ABCA12: variants seen among roughly 807,000 people sequenced by gnomAD.
ABCA12 encodes ATP binding cassette subfamily A member 12.
ABCA12 carries 156 observed loss-of-function variants against 293.5 expected under a neutral mutation model. That is an observed-to-expected ratio of 0.53 (90% CI 0.47 to 0.61). ABCA12 has a LOEUF of 0.61. ABCA12 is among the 20% of genes least tolerant of loss of function. The probability of loss-of-function intolerance (pLI) is 0.00; values close to 1 mark genes in which losing one functional copy is unlikely to be tolerated. For missense variants in ABCA12, 2,797 were observed against 3,090.2 expected (o/e 0.91, Z 2.25); for synonymous variants, 1,063 against 1,108.0 (o/e 0.96, Z 0.81).
At chr2:215,129,655 AAAT>A (rs1348698021) in intron 1 of ABCA12, among the ~76,000 whole-genome samples, 4 of 152,166 alleles carry the variant, frequency 2.6e-5, no homozygotes, top group Non-Finnish European at 5.9e-5. Flanking sequence ...CATAATTGGT[AAAT>A]AATTTCTCCC....
intron 2 of ABCA12, among the ~76,000 whole-genome samples, chr2:215,064,763 A>G (rs1441480657): frequency 2.6e-5 from 4 of 151,552 alleles, no homozygotes; most frequent in East Asian, 3.9e-4. Flanking sequence ...AAAAGATTGT[A>G]TCACCAAAAT....
intron 11 of ABCA12, 68 bp downstream of exon 11, chr2:215,025,605 T>TC (rs1413762258): frequency 1.1e-5 from 12 of 1,092,848 alleles, no homozygotes; most frequent in Non-Finnish European, 1.5e-5. Context: ...TTAAGGTTTT[T>TC]TTTTTGTTTG....
chr2:215,137,658 CT>C, intron 1 of ABCA12, among the ~76,000 whole-genome samples: 1 of 152,290 alleles, frequency 6.6e-6, no homozygotes, highest in East Asian at 1.9e-4. Flanking sequence ...TTCTCAGTAG[CT>C]TTTCTATACT....
At chr2:215,054,115 G>A (rs564079144) in intron 4 of ABCA12, among the ~76,000 whole-genome samples, 51 of 152,156 alleles carry the variant, frequency 3.4e-4, no homozygotes, top group African/African-American at 1.2e-3. Flanking sequence ...GTACTGGCCT[G>A]GAAGTCCTTC....
Position 214,990,970 on chromosome 2 carries a change from A to G in ABCA12, c.3356T>C (p.Val1119Ala). ...SHFFAWLIES[V>A]GFLLVTIVIL... Reference sequence around the variant, plus strand: ...CACGATGGTAACCAGTAAAAATCCAACACTCTCTATAAGCCAGGCAAAGAA... The same window carrying G: ...CACGATGGTAACCAGTAAAAATCCAGCACTCTCTATAAGCCAGGCAAAGAA... Residue 1119 changes from valine to alanine, a missense_variant, in exon 24 of 53, where the codon GTT becomes GCT. Physicochemically the swap from Val to Ala is moderately conservative, Grantham distance 64. Coordinates refer to ENST00000272895, the MANE Select transcript of ABCA12 (RefSeq NM_173076.3). The G allele has an allele frequency of 6.2e-7, 1 of 1,614,090 alleles. No individual in the cohort carries two copies.
Position 214,978,398 on chromosome 2 carries a change from C to A in ABCA12, c.5046G>T (p.Lys1682Asn). 6.2e-7 allele frequency: 1 copy of A among 1,613,982 alleles called. No individual in the cohort carries two copies. The highest frequency in any genetic ancestry group is 8.5e-7 in the Non-Finnish European group (1 of 1,179,962). The change falls in exon 33 of 53, where the codon AAG becomes AAT. Residue 1682 changes from lysine (K) to asparagine (N), a missense_variant. Physicochemically the swap from Lys to Asn is moderately conservative, Grantham distance 94. Coordinates refer to ENST00000272895, the MANE Select transcript of ABCA12 (RefSeq NM_173076.3). ...CATTGGCATTGGAATTCCCAATTTTCTTTTGTGTTAAGTGCTCAAGACTCA... is the reference window on the plus strand; with the variant it reads ...CATTGGCATTGGAATTCCCAATTTTATTTTGTGTTAAGTGCTCAAGACTCA... ...SAMSLEHLTQ[K>N]KIGNSNANGI...
At chr2:214,938,782 C>T (rs1698304467) in intron 50 of ABCA12, among the ~76,000 whole-genome samples, 1 of 152,122 alleles carries the variant, frequency 6.6e-6, no homozygotes. Flanking sequence ...CTGTTCATAT[C>T]CTTTGACCAC....
In ABCA12 at chr2:215,083,897, GT is replaced by G. The variant is rs553171613; in HGVS notation, c.164-19679del. Among the ~76,000 whole-genome samples, 12 of 152,168 alleles carry G rather than the reference GT, an allele frequency of 7.9e-5. 1 individual carries two copies. In the South Asian group the frequency reaches 2.5e-3, roughly 32 times the overall value. The stretch of plus-strand genomic sequence containing the variant: ...TATCATTTGGTATGGTTTGGTCTTT[GT>G]GATTTTCAAGTTTATTATTATGAAG... On this transcript the variant is annotated intron_variant, in intron 2 of 52. Coordinates refer to ENST00000272895, the MANE Select transcript of ABCA12 (RefSeq NM_173076.3).
chr2:215,036,838 G>A, intron 8 of ABCA12, 115 bp downstream of exon 8: 1 of 910,384 alleles, frequency 1.1e-6, no homozygotes, highest in South Asian at 1.4e-5. Flanking sequence ...CATAGCATAT[G>A]TCCCCACCTA....
At chr2:214,958,551 C>A (rs1699022650) in intron 40 of ABCA12, 97 bp from the exon 41 acceptor site, 2 of 1,335,862 alleles carry the variant, frequency 1.5e-6, no homozygotes, top group African/African-American at 1.5e-5. Flanking sequence ...GAAAACAGTA[C>A]AAGAGTTGGC....
chr2:215,096,714 C>A (rs1454646466), intron 2 of ABCA12, among the ~76,000 whole-genome samples: 2 of 152,080 alleles, frequency 1.3e-5, no homozygotes, highest in Non-Finnish European at 2.9e-5. Flanking sequence ...CTGTGTAATT[C>A]TTTTTCTTTC....
rs1698855449 is a variant in ABCA12, at chr2:214,953,836, TG to T, written c.6647+17del. ...GTTCTGTTTTAGATGTCAAACGTTA[TG>T]TTTTCATTATATTTACCTGAGTTTC... On this transcript the variant is annotated intron_variant, in intron 44 of 52. Transcript: ENST00000272895. 4 of 1,612,040 alleles carry T rather than the reference TG, an allele frequency of 2.5e-6. No homozygotes were observed. The highest frequency in any genetic ancestry group is 3.4e-6 in the Non-Finnish European group (4 of 1,178,852).
intron 1 of ABCA12, among the ~76,000 whole-genome samples, chr2:215,133,773 A>G (rs1003638107): frequency 2.6e-5 from 4 of 152,258 alleles, no homozygotes; most frequent in East Asian, 3.9e-4. Flanking sequence ...ACAGATATTA[A>G]AAATCATCAA....
rs1370286407 is a variant in ABCA12, at chr2:214,966,849, A to G, written c.5883T>C (p.His1961=). ...ACACTTTTGTGTTAGTAACTTTACC[A>G]TGTCGGGCAGCATCGTATTTTGACA... The part of the protein sequence containing the change: ...VNMSKYDAAR[H]GIIMYSHPYP... Residue 1961 remains histidine, a splice_region_variant and synonymous_variant, in exon 39 of 53, where the codon CAT becomes CAC. Coordinates refer to ENST00000272895, the MANE Select transcript of ABCA12 (RefSeq NM_173076.3). 3.1e-6 allele frequency: 5 copies of G among 1,613,650 alleles called. No homozygotes were observed. The South Asian group carries it at 4.4e-5, about 14-fold the overall frequency.
At chr2:215,101,877 A>G (rs1430844587) in intron 2 of ABCA12, among the ~76,000 whole-genome samples, 1 of 152,186 alleles carries the variant, frequency 6.6e-6, no homozygotes, top group Non-Finnish European at 1.5e-5. Context: ...TCAAGAGATC[A>G]TGAAAAAGAA....
Position 215,025,052 on chromosome 2 carries a change from G to A in ABCA12, c.1287+621C>T, listed in dbSNP as rs115674018. 9.7e-3 allele frequency among the ~76,000 whole-genome samples: 1,479 copies of A among 152,080 alleles called. 23 individuals are homozygous for A. The highest frequency in any genetic ancestry group is 0.034 in the African/African-American group (1,402 of 41,494). On this transcript the variant is annotated intron_variant, in intron 11 of 52. Transcript: ENST00000272895. ...GAACCACATTTTGAGATTTTTGTATGCTGTGAAATCTAAAACATCAGCTTT... is the reference window on the plus strand; with the variant it reads ...GAACCACATTTTGAGATTTTTGTATACTGTGAAATCTAAAACATCAGCTTT...
chr2:215,098,301 A>G (rs1702288618), intron 2 of ABCA12, among the ~76,000 whole-genome samples: 1 of 152,212 alleles, frequency 6.6e-6, no homozygotes, highest in Admixed American at 6.5e-5. Flanking sequence ...CAATGATTCA[A>G]TGGTAGGAAG....
chr2:215,066,349 G>A (rs1701640065), intron 2 of ABCA12, among the ~76,000 whole-genome samples: 1 of 151,986 alleles, frequency 6.6e-6, no homozygotes. Flanking sequence ...TGACCCCTCT[G>A]CTCTATGCCA....
intron 33 of ABCA12, among the ~76,000 whole-genome samples, chr2:214,977,053 A>G (rs543916744): frequency 6.6e-6 from 1 of 152,380 alleles, no homozygotes; most frequent in East Asian, 1.9e-4. Context: ...ATGAATTCCA[A>G]TTAAACAGAG....
Sources: gnomAD v4.1 joint callset for allele counts (sites outside exome capture counted in the v4.1 genomes callset) on GRCh38, gnomAD v4.1.1 for gene constraint, MANE v1.5 for transcripts, NCBI Gene and HGNC (gene_info 2026-07-23, HGNC 2026-07-21) for gene names.